SGSM2: variants seen among roughly 807,000 people sequenced by gnomAD.
SGSM2 encodes small G protein signaling modulator 2.
In SGSM2, 89 loss-of-function variants were observed where a neutral mutation model predicts 126.6. The observed-to-expected ratio is 0.70, with a 90% CI of 0.59 to 0.84. The LOEUF (loss-of-function observed/expected upper bound fraction) is 0.84, where lower values mean the gene tolerates loss of function less well. Ranked by LOEUF, SGSM2 falls within the 40% of genes least tolerant of loss-of-function variation. The pLI, the probability that SGSM2 is intolerant of heterozygous loss-of-function variation, is 0.00. For synonymous variants in SGSM2, 614 were observed against 574.3 expected (o/e 1.07, Z -0.99); for missense variants, 1,404 against 1,416.6 (o/e 0.99, Z 0.14).
intron 12 of SGSM2, among the ~76,000 whole-genome samples, chr17:2,368,572 G>A (rs980595078): frequency 2.6e-5 from 4 of 152,152 alleles, no homozygotes; most frequent in South Asian, 2.1e-4. Context: ...CAGGCAGGAC[G>A]GCCTGGTCTG....
chr17:2,361,185 A>G (rs16952104), intron 2 of SGSM2, among the ~76,000 whole-genome samples: 22,758 of 152,204 alleles, frequency 0.15, 2,783 homozygotes, highest in African/African-American at 0.32. Context: ...TGTCGGGTCC[A>G]AGCTCTGCAG....
At position 2,372,713 on chromosome 17, in the gene SGSM2, C is replaced by A; in HGVS notation, c.1788+225C>A. The A allele has an allele frequency of 1.2e-6, 1 of 805,558 alleles. No individual in the cohort carries two copies. Among genetic ancestry groups the A allele is most frequent in the Non-Finnish European group, 1.9e-6 (1 of 513,780 alleles). 49.9% of individuals were successfully genotyped at this position (805,558 alleles called of 1,614,324 possible). A position where few individuals can be genotyped will look rare whatever the true frequency, so the allele number is the denominator to read the frequency against. On this transcript the variant is annotated intron_variant, in intron 15 of 23. Coordinates refer to ENST00000268989, the MANE Select transcript of SGSM2 (RefSeq NM_014853.3). This position sits in a 1 kb window ranked among gnomAD's most constrained non-coding sequence, Gnocchi z 6.0. ...CTCCACATCGCCCTGTGACCCTGGA[C>A]AAAGCTTTGCCTCTCTCCGGGCGCC...
In SGSM2 at chr17:2,362,823, T is replaced by C. The variant is rs996374929; in HGVS notation, c.459-15T>C. 6.2e-7 allele frequency: 1 copy of C among 1,613,668 alleles called. No homozygotes were observed. Among genetic ancestry groups the C allele is most frequent in the African/African-American group, 1.3e-5 (1 of 74,926 alleles). Reference sequence around the variant, plus strand: ...CCCCGGAGCCTCGGCAGTCACACTGTCTGTCTCCTGGCAGCAAGTACTACG... The same window carrying C: ...CCCCGGAGCCTCGGCAGTCACACTGCCTGTCTCCTGGCAGCAAGTACTACG... On this transcript the variant is annotated splice_polypyrimidine_tract_variant and intron_variant, in intron 4 of 23. Coordinates refer to ENST00000268989, the MANE Select transcript of SGSM2 (RefSeq NM_014853.3). This position sits in a 1 kb window ranked among gnomAD's most constrained non-coding sequence, Gnocchi z 4.9.
rs760463508 is a variant in SGSM2, at chr17:2,372,207, T to C, written c.1595T>C (p.Leu532Pro). 7 of 1,613,286 alleles carry C rather than the reference T, an allele frequency of 4.3e-6. No homozygotes were observed. The highest frequency in any genetic ancestry group is 1.3e-5 in the African/African-American group (1 of 75,032). Reference protein sequence around the residue: ...CIPDRLPLRLLCESMKRQIVS... With the variant: ...CIPDRLPLRLPCESMKRQIVS... Reference sequence around the variant, plus strand: ...TGCCACAGGTTGCCGCTCAGGCTACTGTGTGAGAGTATGAAGAGGCAGATC... The same window carrying C: ...TGCCACAGGTTGCCGCTCAGGCTACCGTGTGAGAGTATGAAGAGGCAGATC... Residue 532 changes from leucine to proline, a missense_variant, in exon 14 of 24, where the codon CTG (leucine) becomes CCG (proline). By Grantham distance (98) the Leu-to-Pro change is moderately conservative (BLOSUM62 -3). Transcript: ENST00000268989. This position sits in a 1 kb window ranked among gnomAD's most constrained non-coding sequence, Gnocchi z 6.0.
In SGSM2 at chr17:2,379,699, A is replaced by T; in HGVS notation, c.*179A>T. 7.0e-7 allele frequency: 1 copy of T among 1,422,694 alleles called. No homozygotes were observed. The highest frequency in any genetic ancestry group is 9.2e-7 in the Non-Finnish European group (1 of 1,087,452). The allele number at this position is 1,422,694 out of a possible 1,614,324, so 88.1% of individuals were successfully genotyped here. A position where few individuals can be genotyped will look rare whatever the true frequency, so the allele number is the denominator to read the frequency against. The stretch of plus-strand genomic sequence containing the variant: ...GACCCTGCAGGGCAAGTCAGGGGCC[A>T]GGATGCCCTCGGATCAGGGCCGGGA... On this transcript the variant is annotated 3_prime_UTR_variant, in exon 24 of 24. Coordinates refer to ENST00000268989, the MANE Select transcript of SGSM2 (RefSeq NM_014853.3).
chr17:2,361,586 C>T, intron 2 of SGSM2, 51 bp from the exon 3 acceptor site: 10 of 1,591,430 alleles, frequency 6.3e-6, no homozygotes, highest in Non-Finnish European at 8.6e-6. Flanking sequence ...GCTTTTCTTC[C>T]TGCTCCCCCG....
chr17:2,342,110 T>G (rs2064391620), intron 1 of SGSM2, among the ~76,000 whole-genome samples: 1 of 152,102 alleles, frequency 6.6e-6, no homozygotes. Context: ...GTGATTCCAC[T>G]TATAAAAAGT....
In SGSM2 at chr17:2,337,787, C is replaced by T; in HGVS notation, c.57+42C>T. 5.5e-6 allele frequency: 8 copies of T among 1,458,206 alleles called. No individual in the cohort carries two copies. The highest frequency in any genetic ancestry group is 7.3e-6 in the Non-Finnish European group (8 of 1,089,748). The allele number at this position is 1,458,206 out of a possible 1,614,324, so 90.3% of individuals were successfully genotyped here. A position where few individuals can be genotyped will look rare whatever the true frequency, so the allele number is the denominator to read the frequency against. On this transcript the variant is annotated intron_variant, in intron 1 of 23. Transcript: ENST00000268989. This position sits in a 1 kb window ranked among gnomAD's most constrained non-coding sequence, Gnocchi z 5.1. ...AACCCCGGGGGGCTCGCGCCCTGGC[C>T]CGCGCGGCCCAGGGGGCAGAAAGGT...
Position 2,367,449 on chromosome 17 carries a change from C to T in SGSM2, c.1423+44C>T. The T allele has an allele frequency of 6.3e-7, 1 of 1,580,918 alleles. No individual in the cohort carries two copies. The highest frequency in any genetic ancestry group is 8.6e-7 in the Non-Finnish European group (1 of 1,160,506). ...CCCTGACCCACCTCATCCCCACCCT[C>T]CCTCCCGGGCCCGCCTGCCACCCAC... On this transcript the variant is annotated intron_variant, in intron 12 of 23. Transcript: ENST00000268989. The surrounding 1 kb of genome is among the most constrained non-coding windows in gnomAD (Gnocchi z 4.0).
Position 2,362,800 on chromosome 17 carries a change from C to T in SGSM2, c.459-38C>T. The stretch of plus-strand genomic sequence containing the variant: ...GAGCTTGACTGCCCTGGAATGAGCC[C>T]CGGAGCCTCGGCAGTCACACTGTCT... On this transcript the variant is annotated intron_variant, in intron 4 of 23. Transcript: ENST00000268989. The surrounding 1 kb of genome is among the most constrained non-coding windows in gnomAD (Gnocchi z 4.9). The T allele has an allele frequency of 6.2e-7, 1 of 1,610,962 alleles. No homozygotes were observed. The highest frequency in any genetic ancestry group is 1.3e-5 in the African/African-American group (1 of 75,000).
Position 2,376,179 on chromosome 17 carries a change from G to T in SGSM2, c.2527G>T (p.Asp843Tyr). ...TGTGGCCTTAAACCTGCACCGCATAGACAAGGATGTGCAGAGGTGTGACCG... is the reference window on the plus strand; with the variant it reads ...TGTGGCCTTAAACCTGCACCGCATATACAAGGATGTGCAGAGGTGTGACCG... ...DTVALNLHRI[D>Y]KDVQRCDRNY... The change falls in exon 19 of 24, where the codon GAC becomes TAC. Residue 843 changes from aspartate (D) to tyrosine (Y), a missense_variant. Asp to Tyr is a radical substitution (Grantham distance 160). Transcript: ENST00000268989. 6.2e-7 allele frequency: 1 copy of T among 1,614,128 alleles called. No individual in the cohort carries two copies. The highest frequency in any genetic ancestry group is 2.2e-5 in the East Asian group (1 of 44,878).
intron 2 of SGSM2, among the ~76,000 whole-genome samples, chr17:2,354,069 G>A (rs1017971734): frequency 6.6e-6 from 1 of 152,064 alleles, no homozygotes; most frequent in Non-Finnish European, 1.5e-5. Context: ...ACCACACCCA[G>A]CTAGTTTTTA....
In SGSM2 at chr17:2,362,789, T is replaced by C. The variant is rs949321223; in HGVS notation, c.459-49T>C. ...CCCTACCTGGTGAGCTTGACTGCCCTGGAATGAGCCCCGGAGCCTCGGCAG... is the reference window on the plus strand; with the variant it reads ...CCCTACCTGGTGAGCTTGACTGCCCCGGAATGAGCCCCGGAGCCTCGGCAG... On this transcript the variant is annotated intron_variant, in intron 4 of 23. Transcript: ENST00000268989. The surrounding 1 kb of genome is among the most constrained non-coding windows in gnomAD (Gnocchi z 4.9). 1.9e-6 allele frequency: 3 copies of C among 1,600,322 alleles called. No individual in the cohort carries two copies. Among genetic ancestry groups the C allele is most frequent in the Non-Finnish European group, 1.7e-6 (2 of 1,169,132 alleles).
intron 2 of SGSM2, among the ~76,000 whole-genome samples, chr17:2,352,867 TC>T (rs2064923357): frequency 8.2e-6 from 1 of 121,332 alleles, no homozygotes. Context: ...AAGCTCTGCC[TC>T]CCGGGTTCAC....
rs2065860491 is a variant in SGSM2 at position 2,371,316 on chromosome 17, ACCTGG to A, written c.1479_1483del (p.His493GlnfsTer27). The stretch of plus-strand genomic sequence containing the variant: ...TTTGGGCCCAGCCTGCCAGCCTGGC[ACCTGG>A]AGCCCCTGTGCAGTCAGGGCTCCTC... On this transcript the variant is annotated frameshift_variant, in exon 13 of 24. Transcript: ENST00000268989. LOFTEE classifies it high-confidence loss of function. The A allele has an allele frequency of 1.2e-6, 2 of 1,612,324 alleles. No homozygotes were observed. Among genetic ancestry groups the A allele is most frequent in the African/African-American group, 2.7e-5 (2 of 74,930 alleles).
intron 12 of SGSM2, among the ~76,000 whole-genome samples, chr17:2,369,475 C>T (rs1190864095): frequency 2.6e-5 from 4 of 152,184 alleles, no homozygotes; most frequent in African/African-American, 9.7e-5. Flanking sequence ...TCAAAGCTGA[C>T]CCAGCAGACC....
intron 16 of SGSM2, 122 bp downstream of exon 16, chr17:2,373,203 C>T (rs2065961584): frequency 9.7e-6 from 15 of 1,544,302 alleles, no homozygotes; most frequent in Non-Finnish European, 1.2e-5. Context: ...AGGGCAGCTC[C>T]ACCGTCCTTA....
Position 2,373,506 on chromosome 17 carries a change from G to T in SGSM2, c.2093G>T (p.Ser698Ile). Reference sequence around the variant, plus strand: ...CTCATCCACCGAGACTCCACCATCAGCAACGATGTGAGCCAGACGGGACCT... The same window carrying T: ...CTCATCCACCGAGACTCCACCATCATCAACGATGTGAGCCAGACGGGACCT... ...QRLIHRDSTI[S>I]NDVFISVDDL... Residue 698 changes from serine to isoleucine, a missense_variant, in exon 17 of 24, where the codon AGC becomes ATC. Physicochemically the swap from Ser to Ile is moderately radical, Grantham distance 142. Transcript: ENST00000268989. The T allele has an allele frequency of 6.2e-7, 1 of 1,602,212 alleles. No homozygotes were observed. The highest frequency in any genetic ancestry group is 2.2e-5 in the East Asian group (1 of 44,804).
chr17:2,376,977 G>A lies in SGSM2; in HGVS notation c.2711G>A (p.Cys904Tyr). 6.2e-7 allele frequency: 1 copy of A among 1,613,750 alleles called. No individual in the cohort carries two copies. Among genetic ancestry groups the A allele is most frequent in the South Asian group, 1.1e-5 (1 of 91,048 alleles). The change falls in exon 21 of 24, where the codon TGC (cysteine) becomes TAC (tyrosine). Residue 904 changes from cysteine (C) to tyrosine (Y), a missense_variant. By Grantham distance (194) the Cys-to-Tyr change is radical. Transcript: ENST00000268989. ...TLDNDQLAYSCFSHLMKRMSQ... is the reference protein window; with the variant it reads ...TLDNDQLAYSYFSHLMKRMSQ... The stretch of plus-strand genomic sequence containing the variant: ...CCCTCAGATCAGCTGGCCTACAGCT[G>A]CTTCAGCCACCTCATGAAGAGGATG...
Sources: allele counts gnomAD v4.1 joint callset (sites outside exome capture counted in the v4.1 genomes callset), GRCh38; gene constraint gnomAD v4.1.1; non-coding constraint Gnocchi (gnomAD v3.1); transcripts MANE v1.5; gene names NCBI Gene and HGNC (gene_info 2026-07-23, HGNC 2026-07-21).